Variants in TAF4B observed in about 807,000 individuals in gnomAD.
The protein encoded by TAF4B is TATA-box binding protein associated factor 4b.
In TAF4B, 38 loss-of-function variants were observed where a neutral mutation model predicts 86.4. The ratio of observed to expected loss-of-function variants is 0.44; its 90% confidence interval spans 0.34 to 0.58. The LOEUF (loss-of-function observed/expected upper bound fraction) is 0.58, where lower values mean the gene tolerates loss of function less well. Among genes scored for constraint, TAF4B ranks in the 20% least tolerant of loss-of-function variants. The probability of loss-of-function intolerance (pLI) is 0.02; values close to 1 mark genes in which losing one functional copy is unlikely to be tolerated. For synonymous variants in TAF4B, 388 were observed against 391.2 expected (o/e 0.99, Z 0.10); for missense variants, 988 against 1,027.6 (o/e 0.96, Z 0.53).
At chr18:26,369,242 G>A (rs536150186) in intron 14 of TAF4B, among the ~76,000 whole-genome samples, 1 of 152,248 alleles carries the variant, frequency 6.6e-6, no homozygotes, top group Non-Finnish European at 1.5e-5. Context: ...GAAAAGAAAG[G>A]AAATGGAATA....
Position 26,242,703 on chromosome 18 carries a change from G to GT in TAF4B, c.343+15432dup, listed in dbSNP as rs1302354066. 3.3e-5 allele frequency among the ~76,000 whole-genome samples: 5 copies of GT among 152,326 alleles called. No homozygotes were observed. In the East Asian group the frequency reaches 9.6e-4, roughly 29 times the overall value. ...ATCGATGGTCTTTACAATTTGGCATGTTTTTGCAGTGGCTGATACTGGTTG... is the reference window on the plus strand; with the variant it reads ...ATCGATGGTCTTTACAATTTGGCATGTTTTTTGCAGTGGCTGATACTGGTTG... On this transcript the variant is annotated intron_variant, in intron 1 of 14. Coordinates refer to ENST00000269142, the MANE Select transcript of TAF4B (RefSeq NM_005640.3).
At chr18:26,292,977 A>AT (rs1206503578) in intron 8 of TAF4B, among the ~76,000 whole-genome samples, 17 of 152,078 alleles carry the variant, frequency 1.1e-4, no homozygotes, top group Non-Finnish European at 1.9e-4. Context: ...TTTGCTATAG[A>AT]TTTTTTCTTC....
chr18:26,331,070 A>G (rs1258524536), intron 12 of TAF4B, among the ~76,000 whole-genome samples: 1 of 152,104 alleles, frequency 6.6e-6, no homozygotes, highest in Non-Finnish European at 1.5e-5. Context: ...CAGCCTTGTC[A>G]CTGTGCTGCT....
chr18:26,285,222 G>GTTTTTTGTTTTTGTTTTTTTTTTTTT (rs1555677503), intron 6 of TAF4B, among the ~76,000 whole-genome samples: 1 of 45,660 alleles, frequency 2.2e-5, no homozygotes, highest in Non-Finnish European at 4.5e-5. Flanking sequence ...TTTTTTTTTT[G>GTTTTTTGTTTTTGTTTTTTTTTTTTT]TTTTTTTTTT....
At chr18:26,380,718 T>C (rs1372506349) in intron 14 of TAF4B, among the ~76,000 whole-genome samples, 1 of 152,232 alleles carries the variant, frequency 6.6e-6, no homozygotes, top group Non-Finnish European at 1.5e-5. Context: ...GTTCATCTTT[T>C]TTCCTTTGGT....
At chr18:26,258,488 T>A (rs2056117878) in intron 1 of TAF4B, among the ~76,000 whole-genome samples, 1 of 152,168 alleles carries the variant, frequency 6.6e-6, no homozygotes, top group Non-Finnish European at 1.5e-5. Context: ...CTATATATAT[T>A]GTTCTATACA....
chr18:26,260,044 G>A (rs531333545), intron 1 of TAF4B, among the ~76,000 whole-genome samples: 2,240 of 152,188 alleles, frequency 0.015, 55 homozygotes, highest in African/African-American at 0.052. Context: ...GTGATGATGA[G>A]CATTTTTTCA....
intron 1 of TAF4B, chr18:26,256,034 C>A: frequency 7.9e-7 from 1 of 1,266,792 alleles, no homozygotes; most frequent in South Asian, 1.2e-5. Flanking sequence ...CTGCAGTTTA[C>A]TGATATGGTT....
At chr18:26,354,146 G>A (rs553994878) in intron 13 of TAF4B, among the ~76,000 whole-genome samples, 54 of 152,268 alleles carry the variant, frequency 3.5e-4, no homozygotes, top group African/African-American at 1.3e-3. Context: ...CATGATCTCG[G>A]CTGACTGCAG....
chr18:26,231,345 G>GTTTTTTT (rs2055667015), intron 1 of TAF4B, among the ~76,000 whole-genome samples: 1 of 50,670 alleles, frequency 2.0e-5, no homozygotes, highest in Non-Finnish European at 3.3e-5. Flanking sequence ...GCTGCTTGGG[G>GTTTTTTT]TTTTTTTTTT....
At chr18:26,326,112 G>A (rs563064081) in intron 11 of TAF4B, among the ~76,000 whole-genome samples, 2 of 152,254 alleles carry the variant, frequency 1.3e-5, no homozygotes, top group African/African-American at 2.4e-5. Flanking sequence ...GAATTACTGA[G>A]ATGAATAGAT....
chr18:26,389,488 G>A (rs551070329), intron 14 of TAF4B, among the ~76,000 whole-genome samples: 1 of 152,274 alleles, frequency 6.6e-6, no homozygotes, highest in South Asian at 2.1e-4. Context: ...CACAATCAAA[G>A]TGATAAACAA....
intron 1 of TAF4B, among the ~76,000 whole-genome samples, chr18:26,237,312 T>C (rs1251196506): frequency 6.6e-6 from 1 of 152,166 alleles, no homozygotes; most frequent in Non-Finnish European, 1.5e-5. Context: ...CCAAGTGAGG[T>C]TGAAGGTTTG....
chr18:26,361,488 G>A (rs1039483438), intron 14 of TAF4B, among the ~76,000 whole-genome samples: 11 of 151,688 alleles, frequency 7.3e-5, no homozygotes, highest in Non-Finnish European at 1.5e-4. Context: ...GCTCACACCT[G>A]TAATCCCAGC....
rs151220419 is a variant in TAF4B, at chr18:26,327,489, A to G, written c.2259+349A>G. 1.2e-4 allele frequency among the ~76,000 whole-genome samples: 19 copies of G among 152,326 alleles called. No individual in the cohort carries two copies. The East Asian group carries it at 3.7e-3, about 29-fold the overall frequency. ...AATTTGGAAAGTAGACAGGAAGGTT[A>G]TGGGTAAAATTAGTAATTTGGATTT... On this transcript the variant is annotated intron_variant, in intron 12 of 14. Transcript: ENST00000269142.
rs1179623191 is a variant in TAF4B at position 26,389,830 on chromosome 18, T to A, written c.2422-15T>A. 1 of 1,598,074 alleles carries A rather than the reference T, an allele frequency of 6.3e-7. No homozygotes were observed. The highest frequency in any genetic ancestry group is 8.5e-7 in the Non-Finnish European group (1 of 1,175,250). ...GATTTTTATTTCAAATTGCTTTTCC[T>A]TTTATTATTTTTAGGGCTTAAAAGA... On this transcript the variant is annotated splice_polypyrimidine_tract_variant and intron_variant, in intron 14 of 14. Coordinates refer to ENST00000269142, the MANE Select transcript of TAF4B (RefSeq NM_005640.3).
At chr18:26,324,863 G>A (rs145736692) in intron 11 of TAF4B, among the ~76,000 whole-genome samples, 1 of 152,084 alleles carries the variant, frequency 6.6e-6, no homozygotes, top group Non-Finnish European at 1.5e-5. Context: ...CCATTATTTT[G>A]TAGACTTTGT....
intron 13 of TAF4B, among the ~76,000 whole-genome samples, chr18:26,342,334 A>G (rs890671459): frequency 6.6e-6 from 1 of 152,146 alleles, no homozygotes; most frequent in African/African-American, 2.4e-5. Flanking sequence ...TGTCTATATC[A>G]TAACTATCTA....
chr18:26,273,338 G>C (rs1034831205), intron 3 of TAF4B, among the ~76,000 whole-genome samples: 1 of 151,866 alleles, frequency 6.6e-6, no homozygotes, highest in African/African-American at 2.4e-5. Flanking sequence ...TTAGCATATG[G>C]TATTTAATAT....
Sources: allele counts gnomAD v4.1 joint callset (sites outside exome capture counted in the v4.1 genomes callset), GRCh38; gene constraint gnomAD v4.1.1; transcripts MANE v1.5; gene names NCBI Gene and HGNC (gene_info 2026-07-23, HGNC 2026-07-21).